Variants in PLPPR1 observed in about 807,000 individuals in gnomAD.
PLPPR1 encodes phospholipid phosphatase related 1, also known as phospholipid phosphatase-related protein type 1.
In PLPPR1, 10 loss-of-function variants were observed where a neutral mutation model predicts 33.1. The ratio of observed to expected loss-of-function variants is 0.30; its 90% CI spans 0.19 to 0.51. PLPPR1 has a LOEUF of 0.51. PLPPR1 is among the 20% of genes least tolerant of loss of function. The pLI, the probability that PLPPR1 is intolerant of heterozygous loss-of-function variation, is 0.97. For synonymous variants in PLPPR1, 151 were observed against 151.0 expected, an observed-to-expected ratio of 1.00 and a Z score of 0.00; for missense variants, 304 against 408.1, an observed-to-expected ratio of 0.74 and a Z score of 2.20.
At chr9:101,171,405 G>A (rs1226433398) in intron 1 of PLPPR1, among the ~76,000 whole-genome samples, 1 of 152,130 alleles carries the variant, frequency 6.6e-6, no homozygotes, top group Non-Finnish European at 1.5e-5. Flanking sequence ...GCAAAGATTT[G>A]ACTAAATTTC....
rs866344309 is a variant in PLPPR1, at chr9:101,260,509, C to T, written c.64-9371C>T. Among the ~76,000 whole-genome samples the T allele has an allele frequency of 2.0e-5, 3 of 151,996 alleles. No individual in the cohort carries two copies. The South Asian group carries it at 6.2e-4, about 31-fold the overall frequency. On this transcript the variant is annotated intron_variant, in intron 2 of 7. Transcript: ENST00000374874. ...GACTTTGGCAACTGACCAGGTATGG[C>T]GTGAAGAGAAAGCTAGGGGAAGGAG...
chr9:101,140,467 G>A (rs1228490298), intron 1 of PLPPR1, among the ~76,000 whole-genome samples: 1 of 152,116 alleles, frequency 6.6e-6, no homozygotes, highest in Admixed American at 6.6e-5. Context: ...ATCTTTACAC[G>A]TATTGGCAAG....
chr9:101,236,601 A>G (rs902885532), intron 2 of PLPPR1, among the ~76,000 whole-genome samples: 1 of 151,332 alleles, frequency 6.6e-6, no homozygotes, highest in Admixed American at 6.6e-5. Context: ...AAAAATGACC[A>G]TCTTTTTTTT....
intron 1 of PLPPR1, among the ~76,000 whole-genome samples, chr9:101,165,673 G>C (rs1417758736): frequency 2.0e-5 from 3 of 152,182 alleles, no homozygotes; most frequent in African/African-American, 7.2e-5. Flanking sequence ...GAAAAGGACA[G>C]AAGAGGAGGC....
intron 1 of PLPPR1, among the ~76,000 whole-genome samples, chr9:101,057,264 A>G (rs1162920363): frequency 6.6e-6 from 1 of 152,162 alleles, no homozygotes; most frequent in Admixed American, 6.5e-5. Context: ...TTTTAGTGTA[A>G]TGTTAGATAT....
intron 2 of PLPPR1, among the ~76,000 whole-genome samples, chr9:101,212,356 T>C (rs962126614): frequency 6.6e-6 from 1 of 152,128 alleles, no homozygotes; most frequent in African/African-American, 2.4e-5. Context: ...GTGCTGGGAT[T>C]ACAGTCATGG....
chr9:101,062,016 G>T (rs901839133), intron 1 of PLPPR1, among the ~76,000 whole-genome samples: 1 of 152,006 alleles, frequency 6.6e-6, no homozygotes, highest in Non-Finnish European at 1.5e-5. Flanking sequence ...TGTTCATCAG[G>T]TGATATAATT....
Position 101,226,690 on chromosome 9 carries a change from T to C in PLPPR1, c.63+41133T>C, listed in dbSNP as rs74755065. Among the ~76,000 whole-genome samples, 380 of 152,190 alleles carry C rather than the reference T, an allele frequency of 2.5e-3. 2 individuals carry two copies. Among genetic ancestry groups the C allele is most frequent in the African/African-American group, 8.8e-3 (365 of 41,540 alleles). ...ACCTAATCACCTCCCAAAGATCCCATCTCTTAATACCATCCCTTGGAGGCT... is the reference window on the plus strand; with the variant it reads ...ACCTAATCACCTCCCAAAGATCCCACCTCTTAATACCATCCCTTGGAGGCT... On this transcript the variant is annotated intron_variant, in intron 2 of 7. Transcript: ENST00000374874.
chr9:101,182,657 A>G (rs1457807248), intron 1 of PLPPR1, among the ~76,000 whole-genome samples: 1 of 151,712 alleles, frequency 6.6e-6, no homozygotes, highest in Admixed American at 6.6e-5. Flanking sequence ...TTAACTTTGT[A>G]TTGTGTGAAT....
intron 2 of PLPPR1, among the ~76,000 whole-genome samples, chr9:101,189,364 A>G (rs911096495): frequency 6.6e-6 from 1 of 152,138 alleles, no homozygotes; most frequent in African/African-American, 2.4e-5. Flanking sequence ...TTTATCATAC[A>G]GATGAAGCCT....
intron 2 of PLPPR1, among the ~76,000 whole-genome samples, chr9:101,240,224 A>T (rs1827434359): frequency 6.6e-6 from 1 of 151,682 alleles, no homozygotes; most frequent in African/African-American, 2.4e-5. Context: ...GGATTTATTT[A>T]TGGGTTCTCT....
intron 1 of PLPPR1, among the ~76,000 whole-genome samples, chr9:101,039,761 A>C (rs1205527951): frequency 6.6e-6 from 1 of 152,046 alleles, no homozygotes; most frequent in African/African-American, 2.4e-5. Flanking sequence ...AAACCATCAG[A>C]TCTCGTGAGA....
At chr9:101,242,952 A>T (rs1162163101) in intron 2 of PLPPR1, among the ~76,000 whole-genome samples, 5 of 152,058 alleles carry the variant, frequency 3.3e-5, no homozygotes, top group Non-Finnish European at 5.9e-5. Flanking sequence ...AGAGGAGAAA[A>T]TTTCTAATGC....
At chr9:101,289,325 A>G (rs1229306424) in intron 4 of PLPPR1, among the ~76,000 whole-genome samples, 1 of 152,168 alleles carries the variant, frequency 6.6e-6, no homozygotes, top group Non-Finnish European at 1.5e-5. Flanking sequence ...GGCACTTCTC[A>G]TATTACTATA....
chr9:101,117,959 T>G (rs1274027543), intron 1 of PLPPR1, among the ~76,000 whole-genome samples: 4 of 152,234 alleles, frequency 2.6e-5, no homozygotes, highest in Non-Finnish European at 4.4e-5. Context: ...GTCCAAGGGC[T>G]GCTTTGTTGG....
intron 3 of PLPPR1, among the ~76,000 whole-genome samples, chr9:101,283,423 A>G (rs1227709656): frequency 6.6e-6 from 1 of 152,248 alleles, no homozygotes; most frequent in African/African-American, 2.4e-5. Context: ...AGGTCAGTCC[A>G]TTAATAAATT....
chr9:101,319,442 A>G (rs905183388), intron 7 of PLPPR1, among the ~76,000 whole-genome samples: 7 of 151,898 alleles, frequency 4.6e-5, no homozygotes, highest in Admixed American at 3.9e-4. Flanking sequence ...AATATTATTA[A>G]TGAACCAGGT....
chr9:101,151,424 A>G (rs182743338), intron 1 of PLPPR1, among the ~76,000 whole-genome samples: 229 of 152,342 alleles, frequency 1.5e-3, no homozygotes, highest in African/African-American at 5.0e-3. Flanking sequence ...TGTACTTATT[A>G]TCAAAGGAAA....
chr9:101,248,445 G>GTAGT (rs1428023857), intron 2 of PLPPR1, among the ~76,000 whole-genome samples: 1 of 152,076 alleles, frequency 6.6e-6, no homozygotes, highest in African/African-American at 2.4e-5. Context: ...TAATAGCAAA[G>GTAGT]TAGTTAGAGT....
Sources: allele counts gnomAD v4.1 joint callset (sites outside exome capture counted in the v4.1 genomes callset), GRCh38; gene constraint gnomAD v4.1.1; transcripts MANE v1.5; gene names NCBI Gene and HGNC (gene_info 2026-07-23, HGNC 2026-07-21).